The following RBFOX1 variants were observed in gnomAD, a reference collection of about 807,000 sequenced individuals.
The protein encoded by RBFOX1 is RNA binding protein fox-1 homolog 1.
Under a neutral mutation model 57.7 loss-of-function variants are expected in RBFOX1, and 8 were observed. That is an observed-to-expected ratio of 0.14 (90% CI 0.08 to 0.25). RBFOX1 has a LOEUF of 0.25. RBFOX1 is among the 10% of genes least tolerant of loss of function. RBFOX1 has a pLI of 1.00. For missense variants in RBFOX1, 611 were observed against 548.5 expected (o/e 1.11, Z -1.14); for synonymous variants, 326 against 222.4 (o/e 1.47, Z -4.15).
intron 4 of RBFOX1, among the ~76,000 whole-genome samples, chr16:5,960,341 A>T (rs2059723525): frequency 6.6e-6 from 1 of 152,204 alleles, no homozygotes; most frequent in South Asian, 2.1e-4. Flanking sequence ...TTATTTATTC[A>T]CAGTCACACG....
At chr16:5,318,334 G>A (rs1476150624) in intron 1 of RBFOX1, among the ~76,000 whole-genome samples, 2 of 151,934 alleles carry the variant, frequency 1.3e-5, no homozygotes, top group Non-Finnish European at 2.9e-5. Flanking sequence ...TTGCCATATC[G>A]GCCAGGCTGG....
At chr16:6,673,196 C>T (rs1368030495) in intron 3 of RBFOX1, among the ~76,000 whole-genome samples, 1 of 152,164 alleles carries the variant, frequency 6.6e-6, no homozygotes, top group African/African-American at 2.4e-5. Flanking sequence ...CATGCTCCTT[C>T]CAGAGTAGTC....
chr16:6,148,099 C>T (rs527944420), intron 1 of RBFOX1, among the ~76,000 whole-genome samples: 39 of 152,284 alleles, frequency 2.6e-4, no homozygotes, highest in Admixed American at 1.3e-4. Flanking sequence ...GAGGCCGAGG[C>T]GGGTGGATCA....
chr16:5,346,825 G>GC (rs2065150727), intron 1 of RBFOX1, among the ~76,000 whole-genome samples: 1 of 152,138 alleles, frequency 6.6e-6, no homozygotes, highest in African/African-American at 2.4e-5. Flanking sequence ...GCTCTTCAGT[G>GC]TTCCCATCTG....
chr16:6,268,442 G>A (rs536993914), intron 1 of RBFOX1, among the ~76,000 whole-genome samples: 5 of 152,272 alleles, frequency 3.3e-5, no homozygotes, highest in Non-Finnish European at 5.9e-5. Flanking sequence ...CTGTGTTCAA[G>A]CACCTGTGAA....
intron 4 of RBFOX1, among the ~76,000 whole-genome samples, chr16:7,494,897 G>A (rs1375996725): frequency 7.2e-6 from 1 of 138,736 alleles, no homozygotes; most frequent in Non-Finnish European, 1.5e-5. Flanking sequence ...AGGTACATGT[G>A]TAGGATTGTT....
chr16:6,894,749 T>C (rs1394018427), intron 3 of RBFOX1, among the ~76,000 whole-genome samples: 1 of 152,224 alleles, frequency 6.6e-6, no homozygotes, highest in African/African-American at 2.4e-5. Flanking sequence ...TGTATCAGTT[T>C]AGTTCATTTT....
At chr16:5,834,730 G>GATAGATAGATAC (rs1555541488) in intron 3 of RBFOX1, among the ~76,000 whole-genome samples, 3 of 146,302 alleles carry the variant, frequency 2.1e-5, no homozygotes, top group African/African-American at 5.2e-5. Context: ...TAGATACATA[G>GATAGATAGATAC]ATACATACAT....
intron 1 of RBFOX1, among the ~76,000 whole-genome samples, chr16:5,287,819 A>T (rs1310805397): frequency 7.2e-5 from 11 of 152,230 alleles, no homozygotes; most frequent in African/African-American, 2.7e-4. Flanking sequence ...TAGGGGCTGG[A>T]GAAATATGCT....
At chr16:6,723,692 C>T (rs1460529769) in intron 3 of RBFOX1, 2 of 152,050 alleles carry the variant, frequency 1.3e-5, no homozygotes, top group Admixed American at 1.3e-4. Flanking sequence ...ATTTTGAAAA[C>T]AAGGAATGAG....
At chr16:6,170,846 T>C (rs541129658) in intron 1 of RBFOX1, among the ~76,000 whole-genome samples, 92 of 152,306 alleles carry the variant, frequency 6.0e-4, no homozygotes, top group Non-Finnish European at 1.1e-3. Context: ...CGGTATTTGG[T>C]TTTCTGTTCC....
chr16:7,385,919 C>CTTATTTATTTAT (rs138535933), intron 4 of RBFOX1, among the ~76,000 whole-genome samples: 104 of 135,136 alleles, frequency 7.7e-4, no homozygotes, highest in Non-Finnish European at 1.2e-3. Context: ...TGCCCAGTTA[C>CTTATTTATTTAT]TTATTTATTT....
chr16:5,691,388 G>A (rs1007941526), intron 3 of RBFOX1, among the ~76,000 whole-genome samples: 1 of 152,102 alleles, frequency 6.6e-6, no homozygotes, highest in Non-Finnish European at 1.5e-5. Context: ...GCAGCTGGTC[G>A]ACCATTTGTC....
intron 4 of RBFOX1, among the ~76,000 whole-genome samples, chr16:7,351,869 C>G (rs757067754): frequency 3.9e-5 from 6 of 152,162 alleles, no homozygotes; most frequent in African/African-American, 1.4e-4. Flanking sequence ...TTTCAGCTGT[C>G]AGCAGCTGTC....
intron 3 of RBFOX1, among the ~76,000 whole-genome samples, chr16:6,657,625 GCATGT>G (rs2098668983): frequency 6.6e-6 from 1 of 152,168 alleles, no homozygotes; most frequent in Admixed American, 6.5e-5. Context: ...GTGTGTGTGT[GCATGT>G]CCCTCTCCAT....
At chr16:7,063,768 C>T (rs1469395655) in intron 4 of RBFOX1, among the ~76,000 whole-genome samples, 2 of 152,166 alleles carry the variant, frequency 1.3e-5, no homozygotes, top group Non-Finnish European at 2.9e-5. Flanking sequence ...GTCATCATTC[C>T]CTAAACATTC....
At chr16:6,670,120 C>G (rs913990940) in intron 3 of RBFOX1, among the ~76,000 whole-genome samples, 1 of 152,088 alleles carries the variant, frequency 6.6e-6, no homozygotes, top group Admixed American at 6.6e-5. Flanking sequence ...CTCCTGGGCA[C>G]AAGTAGTTAT....
chr16:5,655,372 C>T (rs2049391500), intron 3 of RBFOX1, among the ~76,000 whole-genome samples: 1 of 152,174 alleles, frequency 6.6e-6, no homozygotes, highest in Non-Finnish European at 1.5e-5. Flanking sequence ...AATGGAAAGA[C>T]ATCAAGCATC....
At chr16:6,930,892 C>A (rs1278140948) in intron 3 of RBFOX1, among the ~76,000 whole-genome samples, 1 of 151,960 alleles carries the variant, frequency 6.6e-6, no homozygotes, top group East Asian at 1.9e-4. Flanking sequence ...TACCCCTGCC[C>A]CCTCACCATA....
Sources: allele counts gnomAD v4.1 joint callset (sites outside exome capture counted in the v4.1 genomes callset), GRCh38; gene constraint gnomAD v4.1.1; transcripts MANE v1.5; gene names NCBI Gene and HGNC (gene_info 2026-07-23, HGNC 2026-07-21).